The following LEPR variants were observed in gnomAD, a reference collection of about 807,000 sequenced individuals.
LEPR encodes OB receptor.
A neutral mutation model predicts 114.7 loss-of-function variants in LEPR; 56 were observed. The ratio of observed to expected loss-of-function variants is 0.49; its 90% CI spans 0.39 to 0.61. The LOEUF is 0.61. Ranked by LOEUF, LEPR falls within the 20% of genes least tolerant of loss-of-function variation. The pLI, the probability that LEPR is intolerant of heterozygous loss-of-function variation, is 0.00. For synonymous variants in LEPR, 443 were observed against 461.4 expected (o/e 0.96, Z 0.51); for missense variants, 1,202 against 1,352.9 (o/e 0.89, Z 1.75).
At chr1:65,544,775 A>C (rs557988220) in intron 2 of LEPR, among the ~76,000 whole-genome samples, 12 of 151,534 alleles carry the variant, frequency 7.9e-5, no homozygotes, top group Non-Finnish European at 1.5e-4. Flanking sequence ...TACGTGGTAC[A>C]ACATTGATAA....
chr1:65,634,155 C>T (rs906656401), intron 19 of LEPR: 2 of 985,248 alleles, frequency 2.0e-6, no homozygotes, highest in East Asian at 1.1e-4. Flanking sequence ...CTGCGTTGCT[C>T]ACATTCAAAC....
rs2100832005 is a variant in LEPR, at chr1:65,576,820, T to TA, written c.494+4372dup. 4 of 270,018 alleles carry TA rather than the reference T, an allele frequency of 1.5e-5. No individual in the cohort carries two copies. In the South Asian group the frequency reaches 2.0e-4, roughly 13 times the overall value. The allele number at this position is 270,018 out of a possible 1,614,324, so 16.7% of individuals were successfully genotyped here. ...TTTTTTTGGAAAATGTGTCCTACTG[T>TA]AGAGCAAGGCATGATGAAGAACTTA... On this transcript the variant is annotated intron_variant, in intron 5 of 19. Transcript: ENST00000349533.
chr1:65,539,659 G>C lies in LEPR; in HGVS notation c.-20-25887G>C, dbSNP rs1019737905. Among the ~76,000 whole-genome samples, 7 of 152,186 alleles carry C rather than the reference G, an allele frequency of 4.6e-5. No individual in the cohort carries two copies. The East Asian group carries it at 1.4e-3, about 29-fold the overall frequency. On this transcript the variant is annotated intron_variant, in intron 2 of 19. Coordinates refer to ENST00000349533, the MANE Select transcript of LEPR (RefSeq NM_002303.6). Reference sequence around the variant, plus strand: ...TTTGACACCTTTGAATACTTTGCTCGTGTTTGAGGAATTTCCACTTAATAA... The same window carrying C: ...TTTGACACCTTTGAATACTTTGCTCCTGTTTGAGGAATTTCCACTTAATAA...
Position 65,420,705 on chromosome 1 carries a change from G to A in LEPR, c.-132G>A. ...CCGTGGCAGGAAGCCGGAAGCAGCCGCGGCCCCAGTTCGGGAGACATGGCG... is the reference window on the plus strand; with the variant it reads ...CCGTGGCAGGAAGCCGGAAGCAGCCACGGCCCCAGTTCGGGAGACATGGCG... On this transcript the variant is annotated 5_prime_UTR_variant, in exon 1 of 20. Transcript: ENST00000349533. 1 of 1,578,748 alleles carries A rather than the reference G, an allele frequency of 6.3e-7. No homozygotes were observed. The highest frequency in any genetic ancestry group is 2.3e-5 in the East Asian group (1 of 43,142).
intron 14 of LEPR, among the ~76,000 whole-genome samples, chr1:65,611,462 C>G (rs1023795608): frequency 6.6e-6 from 1 of 152,180 alleles, no homozygotes; most frequent in Non-Finnish European, 1.5e-5. Flanking sequence ...GGGCACTGTT[C>G]CAGATACCTG....
intron 2 of LEPR, among the ~76,000 whole-genome samples, chr1:65,438,789 T>A (rs192971652): frequency 2.6e-3 from 395 of 152,314 alleles, no homozygotes; most frequent in Non-Finnish European, 4.6e-3. Context: ...AAGCAGTCCA[T>A]TTTTATGAGC....
chr1:65,473,353 C>A (rs778411017), intron 2 of LEPR, among the ~76,000 whole-genome samples: 1 of 152,178 alleles, frequency 6.6e-6, no homozygotes, highest in Non-Finnish European at 1.5e-5. Context: ...ACCTTTTAGA[C>A]TCTTCTGTTT....
chr1:65,494,744 C>T (rs2100503178), intron 2 of LEPR, among the ~76,000 whole-genome samples: 1 of 152,242 alleles, frequency 6.6e-6, no homozygotes, highest in South Asian at 2.1e-4. Flanking sequence ...TGATTTCTTT[C>T]CATTCCCTTA....
At chr1:65,525,354 G>A (rs1649862562) in intron 2 of LEPR, among the ~76,000 whole-genome samples, 1 of 152,202 alleles carries the variant, frequency 6.6e-6, no homozygotes, top group African/African-American at 2.4e-5. Flanking sequence ...GGGGGGTACT[G>A]CCAGGGAACT....
intron 19 of LEPR, chr1:65,634,436 T>C (rs530560336): frequency 1.0e-6 from 1 of 969,396 alleles, no homozygotes; most frequent in South Asian, 4.8e-5. Flanking sequence ...CAGATTATTC[T>C]AAAATCTTAA....
intron 2 of LEPR, among the ~76,000 whole-genome samples, chr1:65,462,641 C>T (rs1233896926): frequency 6.6e-6 from 1 of 152,222 alleles, no homozygotes; most frequent in Non-Finnish European, 1.5e-5. Context: ...TCCTATTTCT[C>T]CACATCCTTC....
intron 2 of LEPR, among the ~76,000 whole-genome samples, chr1:65,511,908 A>AT (rs1649052877): frequency 6.6e-6 from 1 of 152,192 alleles, no homozygotes; most frequent in African/African-American, 2.4e-5. Context: ...CTGTAAAGAA[A>AT]TACCTGAGAC....
At chr1:65,534,673 C>T (rs1650633816) in intron 2 of LEPR, among the ~76,000 whole-genome samples, 1 of 152,088 alleles carries the variant, frequency 6.6e-6, no homozygotes. Context: ...AGAGTGAGTG[C>T]ACATAAGTAC....
intron 12 of LEPR, among the ~76,000 whole-genome samples, chr1:65,609,312 GTTTCTC>G (rs752610675): frequency 2.6e-5 from 4 of 152,168 alleles, no homozygotes; most frequent in Non-Finnish European, 4.4e-5. Context: ...AGGAACTGTT[GTTTCTC>G]TAACATCTGT....
intron 3 of LEPR, among the ~76,000 whole-genome samples, chr1:65,566,959 G>C (rs1374058575): frequency 4.6e-5 from 7 of 152,102 alleles, no homozygotes; most frequent in African/African-American, 1.4e-4. Flanking sequence ...AATTTTATTA[G>C]ATATATTTAA....
intron 1 of LEPR, 60 bp downstream of exon 1, chr1:65,420,800 A>G: frequency 6.5e-7 from 1 of 1,550,076 alleles, no homozygotes; most frequent in Non-Finnish European, 8.7e-7. Context: ...CGTTCCGGTC[A>G]AGCCTGGGGC....
Position 65,481,151 on chromosome 1 carries a change from G to A in LEPR, c.-21+55773G>A, listed in dbSNP as rs901969520. ...CTTTCTTCTGTGTGCAGGCATGCCT[G>A]CTGTCACATGTATCTCCTTATAACA... On this transcript the variant is annotated intron_variant, in intron 2 of 19. Coordinates refer to ENST00000349533, the MANE Select transcript of LEPR (RefSeq NM_002303.6). 2.8e-4 allele frequency among the ~76,000 whole-genome samples: 43 copies of A among 152,162 alleles called. 1 individual carries two copies. The highest frequency in any genetic ancestry group is 1.0e-3 in the African/African-American group (42 of 41,440).
chr1:65,469,780 G>A (rs182298625), intron 2 of LEPR, among the ~76,000 whole-genome samples: 1 of 152,288 alleles, frequency 6.6e-6, no homozygotes, highest in Non-Finnish European at 1.5e-5. Context: ...GTCAACTGCT[G>A]TGGACACTGA....
chr1:65,489,772 C>A (rs1647768585), intron 2 of LEPR, among the ~76,000 whole-genome samples: 1 of 152,160 alleles, frequency 6.6e-6, no homozygotes, highest in African/African-American at 2.4e-5. Flanking sequence ...TCAACCAAAT[C>A]AACCAACATT....
Sources: gnomAD v4.1 joint callset for allele counts (sites outside exome capture counted in the v4.1 genomes callset) on GRCh38, gnomAD v4.1.1 for gene constraint, MANE v1.5 for transcripts, NCBI Gene and HGNC (gene_info 2026-07-23, HGNC 2026-07-21) for gene names.